The following PPP1R12B variants were observed in gnomAD, a reference collection of about 807,000 sequenced individuals.
PPP1R12B encodes the protein protein phosphatase 1 regulatory subunit 12B.
A neutral mutation model predicts 126.1 loss-of-function variants in PPP1R12B; 76 were observed. The ratio of observed to expected loss-of-function variants is 0.60; its 90% CI spans 0.50 to 0.73. The LOEUF is 0.73. Ranked by LOEUF, PPP1R12B falls within the 30% of genes least tolerant of loss-of-function variation. The probability of loss-of-function intolerance (pLI) is 0.00; values close to 1 mark genes in which losing one functional copy is unlikely to be tolerated. For missense variants in PPP1R12B, 1,052 were observed against 1,205.1 expected (o/e 0.87, Z 1.88); for synonymous variants, 356 against 434.7 (o/e 0.82, Z 2.25).
At chr1:202,529,745 A>G (rs746483611) in intron 18 of PPP1R12B, among the ~76,000 whole-genome samples, 5 of 152,208 alleles carry the variant, frequency 3.3e-5, no homozygotes, top group Non-Finnish European at 5.9e-5. Flanking sequence ...CCTGGCATAC[A>G]GATTATAAGC....
intron 1 of PPP1R12B, among the ~76,000 whole-genome samples, chr1:202,359,239 G>A (rs900817624): frequency 1.5e-4 from 23 of 151,784 alleles, no homozygotes; most frequent in African/African-American, 5.6e-4. Flanking sequence ...CCACCTCCCA[G>A]GGTGTCTCAG....
chr1:202,407,663 A>G (rs1202140657), intron 1 of PPP1R12B, among the ~76,000 whole-genome samples: 1 of 152,178 alleles, frequency 6.6e-6, no homozygotes, highest in Non-Finnish European at 1.5e-5. Context: ...ATACTATATC[A>G]TGATTGGAGT....
rs745514022 is a variant in PPP1R12B at position 202,587,902 on chromosome 1, G to C, written c.*7342G>C. On this transcript the variant is annotated 3_prime_UTR_variant, in exon 24 of 24. Transcript: ENST00000608999. ...GGAGGCAGGCTGCGGGGTAGGAGAG[G>C]GTTCTGAGAGGAGGCAGCAATCCAG... is the stretch of plus-strand genomic sequence containing the variant. The C allele has an allele frequency of 6.6e-6, 1 of 152,224 alleles. No individual in the cohort carries two copies. Among genetic ancestry groups the C allele is most frequent in the Non-Finnish European group, 1.5e-5 (1 of 68,052 alleles). 9.4% of individuals were successfully genotyped at this position (152,224 alleles called of 1,614,324 possible).
Position 202,348,707 on chromosome 1 carries a change from T to G in PPP1R12B, c.-145T>G. ...CGAGGGAGCGTGCGGGCGGTACTAC[T>G]GGCGGGAGGAGTAAAGATGGCGGCG... is the stretch of plus-strand genomic sequence containing the variant. On this transcript the variant is annotated 5_prime_UTR_variant, in exon 1 of 24. Transcript: ENST00000608999. 9.5e-7 allele frequency: 1 copy of G among 1,053,986 alleles called. No individual in the cohort carries two copies. The highest frequency in any genetic ancestry group is 1.3e-6 in the Non-Finnish European group (1 of 744,908). The allele number at this position is 1,053,986 out of a possible 1,614,324, so 65.3% of individuals were successfully genotyped here.
intron 2 of PPP1R12B, among the ~76,000 whole-genome samples, chr1:202,420,747 C>T (rs1383655031): frequency 2.6e-5 from 4 of 151,998 alleles, no homozygotes; most frequent in Non-Finnish European, 4.4e-5. Context: ...AGAGGGAGTT[C>T]GTTTTGGAAT....
At chr1:202,484,480 G>C (rs549888333) in intron 13 of PPP1R12B, among the ~76,000 whole-genome samples, 1 of 152,206 alleles carries the variant, frequency 6.6e-6, no homozygotes, top group African/African-American at 2.4e-5. Context: ...TGACCATTTT[G>C]ACTTTAAACC....
intron 1 of PPP1R12B, among the ~76,000 whole-genome samples, chr1:202,367,108 T>G (rs1371330720): frequency 6.6e-6 from 1 of 152,206 alleles, no homozygotes; most frequent in East Asian, 1.9e-4. Flanking sequence ...ATACAAAATT[T>G]TATTCAGAAG....
chr1:202,499,424 T>G (rs1471540158), intron 18 of PPP1R12B, among the ~76,000 whole-genome samples: 1 of 152,100 alleles, frequency 6.6e-6, no homozygotes, highest in Non-Finnish European at 1.5e-5. Context: ...CCAGCTAATT[T>G]TTGGAGTTTT....
chr1:202,480,611 T>G (rs2148817773), intron 13 of PPP1R12B, among the ~76,000 whole-genome samples: 1 of 152,332 alleles, frequency 6.6e-6, no homozygotes, highest in Admixed American at 6.5e-5. Flanking sequence ...TTTAGAAAAC[T>G]TATATGCTAC....
intron 13 of PPP1R12B, among the ~76,000 whole-genome samples, chr1:202,457,658 G>A (rs6427947): frequency 0.43 from 65,946 of 152,060 alleles, 15,686 homozygotes; most frequent in East Asian, 0.71. Context: ...TAATTGTTAA[G>A]TGCTGTGGTA....
chr1:202,523,739 G>A (rs1326006758), intron 18 of PPP1R12B, among the ~76,000 whole-genome samples: 6 of 152,058 alleles, frequency 3.9e-5, no homozygotes, highest in African/African-American at 1.4e-4. Flanking sequence ...TTTTGAGACG[G>A]AGTCTTGCTC....
chr1:202,532,760 G>A (rs913935400), intron 18 of PPP1R12B, among the ~76,000 whole-genome samples: 7 of 148,952 alleles, frequency 4.7e-5, no homozygotes, highest in Non-Finnish European at 1.0e-4. Flanking sequence ...ACTGTAGTGA[G>A]ATGAAAAAAC....
rs751659730 is a variant in PPP1R12B, at chr1:202,430,687, A to G, written c.922-44A>G. The G allele has an allele frequency of 3.7e-6, 6 of 1,604,312 alleles. No individual in the cohort carries two copies. The African/African-American group carries it at 5.4e-5, about 14-fold the overall frequency. The stretch of plus-strand genomic sequence containing the variant: ...TCTCAATACTGCTGATTTTTCACCA[A>G]TAGTCAACTTCTTCCCTTTTCTCTC... On this transcript the variant is annotated intron_variant, in intron 6 of 23. Coordinates refer to ENST00000608999, the MANE Select transcript of PPP1R12B (RefSeq NM_002481.4).
chr1:202,365,721 A>G (rs1267808070), intron 1 of PPP1R12B, among the ~76,000 whole-genome samples: 1 of 151,954 alleles, frequency 6.6e-6, no homozygotes, highest in African/African-American at 2.4e-5. Context: ...AGACCTCTTT[A>G]TTTTTTTAAA....
chr1:202,437,829 T>C lies in PPP1R12B; in HGVS notation c.1263T>C (p.Ser421=). Residue 421 remains serine (S), a synonymous_variant, in exon 10 of 24, where the codon TCT becomes TCC. Transcript: ENST00000608999. The stretch of plus-strand genomic sequence containing the variant: ...ATTTGCTTCTCTCATAGTTCTCTTC[T>C]GGCCTTTTTAACAAGCCAGAAGAGC... ...FSASSARRFS[S]GLFNKPEEPK... is the part of the protein sequence containing the mutation. 6.2e-7 allele frequency: 1 copy of C among 1,609,546 alleles called. No individual in the cohort carries two copies. The highest frequency in any genetic ancestry group is 8.5e-7 in the Non-Finnish European group (1 of 1,176,766).
At chr1:202,447,585 A>G (rs1672441937) in intron 12 of PPP1R12B, among the ~76,000 whole-genome samples, 1 of 152,196 alleles carries the variant, frequency 6.6e-6, no homozygotes, top group South Asian at 2.1e-4. Context: ...ATATCCTCTG[A>G]TCTCTGCTCT....
chr1:202,554,704 C>G (rs1442035562), intron 18 of PPP1R12B, among the ~76,000 whole-genome samples: 2 of 151,918 alleles, frequency 1.3e-5, no homozygotes, highest in African/African-American at 4.8e-5. Flanking sequence ...GATCACTCAT[C>G]ACCTACGCAT....
At chr1:202,401,361 ATTTTT>A (rs34810265) in intron 1 of PPP1R12B, among the ~76,000 whole-genome samples, 130 of 71,420 alleles carry the variant, frequency 1.8e-3, no homozygotes, top group Non-Finnish European at 2.4e-3. Flanking sequence ...GGCTAATTTA[ATTTTT>A]TTTTTTTTTT....
chr1:202,364,645 C>T (rs979602995), intron 1 of PPP1R12B, among the ~76,000 whole-genome samples: 8 of 151,936 alleles, frequency 5.3e-5, no homozygotes, highest in South Asian at 2.1e-4. Context: ...GGCATGATCT[C>T]GGCTCACTGC....
Sources: gnomAD v4.1 joint callset for allele counts (sites outside exome capture counted in the v4.1 genomes callset) on GRCh38, gnomAD v4.1.1 for gene constraint, MANE v1.5 for transcripts, NCBI Gene and HGNC (gene_info 2026-07-23, HGNC 2026-07-21) for gene names.